The following NCK1 variants were observed in gnomAD, a reference collection of about 807,000 sequenced individuals.
NCK1 encodes SH2/SH3 adapter protein NCK1.
NCK1 carries 19 observed loss-of-function variants against 36.6 expected under a neutral mutation model. That is an observed-to-expected ratio of 0.52 (90% confidence interval 0.36 to 0.76). The LOEUF (loss-of-function observed/expected upper bound fraction) is 0.76. Among genes scored for constraint, NCK1 ranks in the 30% least tolerant of loss-of-function variants. The probability of loss-of-function intolerance (pLI) is 0.00; values close to 1 mark genes in which losing one functional copy is unlikely to be tolerated. For synonymous variants in NCK1, 165 were observed against 156.0 expected (o/e 1.06, Z -0.43); for missense variants, 358 against 445.6 (o/e 0.80, Z 1.77).
chr3:136,905,394 A>AT (rs1939657267), intron 1 of NCK1, among the ~76,000 whole-genome samples: 1 of 149,900 alleles, frequency 6.7e-6, no homozygotes, highest in Admixed American at 6.6e-5. Flanking sequence ...GTTTTTCTGA[A>AT]TTTTTTGTAT....
intron 1 of NCK1, among the ~76,000 whole-genome samples, chr3:136,893,198 A>ACACACACACACACACACCATAT (rs1347213828): frequency 2.3e-4 from 31 of 132,136 alleles, no homozygotes; most frequent in African/African-American, 4.2e-4. Flanking sequence ...ATATACACAC[A>ACACACACACACACACACCATAT]TGTGCAAGTA....
At chr3:136,916,936 G>A (rs1215633150) in intron 1 of NCK1, among the ~76,000 whole-genome samples, 1 of 152,050 alleles carries the variant, frequency 6.6e-6, no homozygotes, top group African/African-American at 2.4e-5. Flanking sequence ...TGGCTAGGAG[G>A]GAAATTAAAT....
At chr3:136,922,955 A>G (rs1411061196) in intron 1 of NCK1, among the ~76,000 whole-genome samples, 4 of 152,224 alleles carry the variant, frequency 2.6e-5, no homozygotes, top group Admixed American at 1.3e-4. Context: ...AGAAAGTGCT[A>G]CTTACATAAT....
chr3:136,868,407 AC>A (rs897632840), intron 1 of NCK1, among the ~76,000 whole-genome samples: 4 of 151,294 alleles, frequency 2.6e-5, no homozygotes, highest in Non-Finnish European at 5.9e-5. Flanking sequence ...GGATCACTGT[AC>A]CCTCTGCATC....
chr3:136,895,350 T>A (rs1222724279), intron 1 of NCK1, among the ~76,000 whole-genome samples: 1 of 152,088 alleles, frequency 6.6e-6, no homozygotes, highest in Non-Finnish European at 1.5e-5. Context: ...TTCCGTACCT[T>A]TTAATGTTGC....
chr3:136,888,397 C>T (rs1023624345), intron 1 of NCK1, among the ~76,000 whole-genome samples: 32 of 152,168 alleles, frequency 2.1e-4, no homozygotes, highest in African/African-American at 6.0e-4. Flanking sequence ...ACCATCACCA[C>T]AATATCAGAA....
chr3:136,914,961 C>T (rs1939921354), intron 1 of NCK1, among the ~76,000 whole-genome samples: 3 of 152,298 alleles, frequency 2.0e-5, no homozygotes, highest in Non-Finnish European at 4.4e-5. Context: ...CCCATTCTCT[C>T]TCTTGCTTCA....
At position 136,951,443 on chromosome 3, in the gene NCK1, A is replaced by T. The variant is rs144096311; in HGVS notation, c.*2990A>T. ...TCAGGGAGTTTCACATAAAATTCAG[A>T]CTTCTTGTTTCCCTTTAAAAATGAG... On this transcript the variant is annotated 3_prime_UTR_variant, in exon 4 of 4. Transcript: ENST00000481752. Among the ~76,000 whole-genome samples, 1,013 of 152,310 alleles carry T rather than the reference A, an allele frequency of 6.7e-3. 12 individuals are homozygous for T. Among genetic ancestry groups the T allele is most frequent in the African/African-American group, 0.023 (971 of 41,578 alleles).
intron 1 of NCK1, among the ~76,000 whole-genome samples, chr3:136,918,137 A>G (rs1940012929): frequency 6.6e-6 from 1 of 152,216 alleles, no homozygotes; most frequent in African/African-American, 2.4e-5. Context: ...AAGTGAAAAG[A>G]TGGGTGGTTT....
intron 1 of NCK1, among the ~76,000 whole-genome samples, chr3:136,898,135 C>T (rs940054619): frequency 1.4e-4 from 21 of 152,030 alleles, no homozygotes; most frequent in African/African-American, 4.6e-4. Flanking sequence ...GTGGCTCACA[C>T]CTGTAATCCC....
At chr3:136,897,777 C>T (rs1939428188) in intron 1 of NCK1, among the ~76,000 whole-genome samples, 1 of 152,056 alleles carries the variant, frequency 6.6e-6, no homozygotes, top group Non-Finnish European at 1.5e-5. Flanking sequence ...AAGAACTGAG[C>T]TAAGTATTAT....
At chr3:136,883,627 A>G (rs537727098) in intron 1 of NCK1, among the ~76,000 whole-genome samples, 1 of 152,296 alleles carries the variant, frequency 6.6e-6, no homozygotes, top group Admixed American at 6.5e-5. Flanking sequence ...TCACTGTTGT[A>G]TCCCTGCATT....
At chr3:136,883,593 G>C (rs1045042469) in intron 1 of NCK1, among the ~76,000 whole-genome samples, 1 of 152,002 alleles carries the variant, frequency 6.6e-6, no homozygotes, top group African/African-American at 2.4e-5. Context: ...AATTTCCTCT[G>C]CTAGAAAGAG....
intron 2 of NCK1, among the ~76,000 whole-genome samples, chr3:136,933,188 T>G (rs886269533): frequency 6.6e-6 from 1 of 152,204 alleles, no homozygotes; most frequent in Non-Finnish European, 1.5e-5. Context: ...GTGACATTGA[T>G]TCGAGTCTGA....
intron 1 of NCK1, among the ~76,000 whole-genome samples, chr3:136,871,929 C>T (rs769693593): frequency 6.6e-6 from 1 of 152,170 alleles, no homozygotes; most frequent in Non-Finnish European, 1.5e-5. Flanking sequence ...TGAGGCCTCT[C>T]CTGCCATGTG....
chr3:136,935,704 AT>A (rs1225721425), intron 2 of NCK1, among the ~76,000 whole-genome samples: 7 of 152,202 alleles, frequency 4.6e-5, no homozygotes, highest in African/African-American at 1.4e-4. Context: ...ACTCTTAAAA[AT>A]TTTTTTATGA....
At chr3:136,876,595 A>AG (rs1938779872) in intron 1 of NCK1, among the ~76,000 whole-genome samples, 2 of 151,706 alleles carry the variant, frequency 1.3e-5, no homozygotes. Flanking sequence ...AAACCAAAAA[A>AG]CTTTGCCTAT....
chr3:136,913,665 GTTTGT>G (rs964024664), intron 1 of NCK1, among the ~76,000 whole-genome samples: 7 of 151,420 alleles, frequency 4.6e-5, no homozygotes, highest in Admixed American at 6.6e-5. Flanking sequence ...TTTGTTTTTT[GTTTGT>G]TTTGTTTTGT....
chr3:136,908,970 A>G (rs1173761820), intron 1 of NCK1, among the ~76,000 whole-genome samples: 2 of 152,106 alleles, frequency 1.3e-5, no homozygotes, highest in African/African-American at 4.8e-5. Context: ...TCATGAATGA[A>G]TTAATGCTGT....
Sources: gnomAD v4.1 joint callset for allele counts (sites outside exome capture counted in the v4.1 genomes callset) on GRCh38, gnomAD v4.1.1 for gene constraint, MANE v1.5 for transcripts, NCBI Gene and HGNC (gene_info 2026-07-23, HGNC 2026-07-21) for gene names.